GET1: variants seen among roughly 807,000 people sequenced by gnomAD.
GET1 encodes congenital heart disease 5 protein.
In GET1, 20 loss-of-function variants were observed where a neutral mutation model predicts 22.6. That is an observed-to-expected ratio of 0.89 (90% confidence interval 0.62 to 1.29). The LOEUF (loss-of-function observed/expected upper bound fraction) is 1.29. GET1 is among the 50% of genes most tolerant of loss of function. The pLI is 0.00. For missense variants in GET1, 209 were observed against 219.9 expected (o/e 0.95, Z 0.31); for synonymous variants, 92 against 83.8 (o/e 1.10, Z -0.53).
chr21:39,390,848 A>G lies in GET1; in HGVS notation c.253A>G (p.Lys85Glu), dbSNP rs2038252903. Reference protein sequence around the residue: ...LERKINKMTDKLKTHVKARTA... With the variant: ...LERKINKMTDELKTHVKARTA... Reference sequence around the variant, plus strand: ...AAGAAAGATCAACAAGATGACGGATAAGCTCAAAACCCATGGTACTGTGTC... The same window carrying G: ...AAGAAAGATCAACAAGATGACGGATGAGCTCAAAACCCATGGTACTGTGTC... Residue 85 changes from lysine (K) to glutamate (E), a missense_variant, in exon 2 of 5, where the codon AAG becomes GAG. Transcript: ENST00000649170. 1 of 1,614,064 alleles carries G rather than the reference A, an allele frequency of 6.2e-7. No homozygotes were observed. Among genetic ancestry groups the G allele is most frequent in the South Asian group, 1.1e-5 (1 of 91,084 alleles).
intron 1 of GET1, among the ~76,000 whole-genome samples, chr21:39,412,454 CCTT>C (rs954898799): frequency 2.6e-5 from 4 of 152,114 alleles, no homozygotes; most frequent in African/African-American, 9.7e-5. Flanking sequence ...ATCAAATGCT[CCTT>C]CTTACATGTA....
At chr21:39,385,867 C>T (rs2037856552) in intron 1 of GET1, among the ~76,000 whole-genome samples, 1 of 151,860 alleles carries the variant, frequency 6.6e-6, no homozygotes, top group African/African-American at 2.4e-5. Flanking sequence ...CGCAGGCGCT[C>T]CAGGACTGGC....
At chr21:39,381,950 G>C (rs956861605) in intron 1 of GET1, among the ~76,000 whole-genome samples, 1 of 152,102 alleles carries the variant, frequency 6.6e-6, no homozygotes, top group African/African-American at 2.4e-5. Context: ...TGTTGGCCAG[G>C]CTGGTCTCAA....
intron 1 of GET1, among the ~76,000 whole-genome samples, chr21:39,388,080 A>G (rs1390142210): frequency 6.6e-6 from 1 of 152,194 alleles, no homozygotes; most frequent in Non-Finnish European, 1.5e-5. Context: ...TTGGTATTCA[A>G]AAGAATCTTG....
intron 1 of GET1, chr21:39,380,894 C>T (rs2037515208): frequency 2.0e-6 from 2 of 983,824 alleles, no homozygotes; most frequent in African/African-American, 3.6e-5. Context: ...GAGATGGATC[C>T]TCGCGTCCAG....
exon 5 of GET1, chr21:39,406,404 C>G (rs750507300): frequency 6.2e-7 from 1 of 1,614,192 alleles, no homozygotes; most frequent in South Asian, 1.1e-5. Flanking sequence ...CATTTCTCTG[C>G]ATGCTTCTTT....
At chr21:39,401,122 C>T (rs1198162697), downstream of GET1, among the ~76,000 whole-genome samples, 1 of 151,996 alleles carries the variant, frequency 6.6e-6, no homozygotes, top group Non-Finnish European at 1.5e-5. Flanking sequence ...GACTGTGTTC[C>T]CAGGTTGGTC....
rs2037481070 is a variant in GET1 at position 39,380,432 on chromosome 21, C to T, written c.48C>T (p.Ser16=). The T allele has an allele frequency of 1.2e-6, 2 of 1,613,122 alleles. No homozygotes were observed. The highest frequency in any genetic ancestry group is 1.7e-6 in the Non-Finnish European group (2 of 1,179,632). The change falls in exon 1 of 5, where the codon AGC becomes AGT. Residue 16 remains serine (S), a synonymous_variant. Coordinates refer to ENST00000649170, the MANE Select transcript of GET1 (RefSeq NM_004627.6). Reference sequence around the variant, plus strand: ...ACTGGGCGTGGTTGCTGGTGCTCAGCTTCGTGTTTGGATGCAATGTTCTTA... The same window carrying T: ...ACTGGGCGTGGTTGCTGGTGCTCAGTTTCGTGTTTGGATGCAATGTTCTTA... ...ADHWAWLLVL[S]FVFGCNVLRI...
downstream of GET1, chr21:39,406,625 A>T: frequency 6.5e-7 from 1 of 1,548,010 alleles, no homozygotes; most frequent in Non-Finnish European, 8.7e-7. Context: ...ATATTAGAAA[A>T]ATAGGCAATT....
In GET1 at chr21:39,390,875, C is replaced by T. The variant is rs759345152; in HGVS notation, c.268+12C>T. On this transcript the variant is annotated intron_variant, in intron 2 of 4. Coordinates refer to ENST00000649170, the MANE Select transcript of GET1 (RefSeq NM_004627.6). ...GCTCAAAACCCATGGTACTGTGTCCCTTGCAGCCTGGAGGCTTCATGAGAG... is the reference window on the plus strand; with the variant it reads ...GCTCAAAACCCATGGTACTGTGTCCTTTGCAGCCTGGAGGCTTCATGAGAG... The T allele has an allele frequency of 5.0e-6, 8 of 1,613,648 alleles. No homozygotes were observed. The Admixed American group carries it at 1.3e-4, about 27-fold the overall frequency.
intron 1 of GET1, among the ~76,000 whole-genome samples, chr21:39,417,002 A>G (rs936227471): frequency 6.6e-6 from 1 of 152,132 alleles, no homozygotes; most frequent in African/African-American, 2.4e-5. Context: ...ATTTGGGTTC[A>G]TCTGCATTTT....
downstream of GET1, chr21:39,410,116 C>T: frequency 6.5e-7 from 1 of 1,528,134 alleles, no homozygotes; most frequent in African/African-American, 1.4e-5. Context: ...AGAAAAGCAG[C>T]AAAAACACAT....
At chr21:39,428,365 A>T in exon 2 of GET1, 1 of 1,613,614 alleles carries the variant, frequency 6.2e-7, no homozygotes, top group Non-Finnish European at 8.5e-7. Flanking sequence ...TATTGGAAGC[A>T]TTACTGTTCC....
chr21:39,425,507 A>T (rs2074513569), intron 1 of GET1, among the ~76,000 whole-genome samples: 1 of 152,192 alleles, frequency 6.6e-6, no homozygotes, highest in South Asian at 2.1e-4. Context: ...AGTATTTTAG[A>T]ATAGGCTTCT....
intron 2 of GET1, chr21:39,391,483 G>A: frequency 2.7e-6 from 1 of 367,004 alleles, no homozygotes; most frequent in Non-Finnish European, 5.0e-6. Flanking sequence ...GTTGGTAAGT[G>A]GTAACTGTAT....
At chr21:39,426,494 T>C (rs1488538910) in intron 1 of GET1, among the ~76,000 whole-genome samples, 1 of 152,140 alleles carries the variant, frequency 6.6e-6, no homozygotes, top group Non-Finnish European at 1.5e-5. Context: ...TTTCAGAATT[T>C]GGGGGTGGGT....
intron 1 of GET1, among the ~76,000 whole-genome samples, chr21:39,383,388 T>C (rs1312712147): frequency 1.3e-5 from 2 of 151,564 alleles, no homozygotes; most frequent in Non-Finnish European, 2.9e-5. Flanking sequence ...TTCAAGAGAT[T>C]CTCCTGCCTC....
chr21:39,422,434 T>G (rs2073925490), intron 1 of GET1: 1 of 153,182 alleles, frequency 6.5e-6, no homozygotes, highest in South Asian at 2.1e-4. Context: ...TTTTAATTCC[T>G]TTTCCTTCCC....
At position 39,393,397 on chromosome 21, in the gene GET1, TTGTGTCTCAGCCTCACA is replaced by T. The variant is rs2038434265; in HGVS notation, c.451+120_451+136del. On this transcript the variant is annotated intron_variant, in intron 4 of 4. Coordinates refer to ENST00000649170, the MANE Select transcript of GET1 (RefSeq NM_004627.6). Reference sequence around the variant, plus strand: ...CACCGTCCATTTAGTGAGCGGGGTTTTGTGTCTCAGCCTCACATGAGGCTTCCCATGAAGAAACTGAG... The same window carrying T: ...CACCGTCCATTTAGTGAGCGGGGTTTTGAGGCTTCCCATGAAGAAACTGAG... 1.0e-4 allele frequency: 83 copies of T among 811,910 alleles called. 2 individuals carry two copies. Among genetic ancestry groups the T allele is most frequent in the South Asian group, 9.7e-4 (56 of 57,970 alleles). 50.3% of individuals were successfully genotyped at this position (811,910 alleles called of 1,614,324 possible). A position where few individuals can be genotyped will look rare whatever the true frequency, so the allele number is the denominator to read the frequency against.
Sources: allele counts gnomAD v4.1 joint callset (sites outside exome capture counted in the v4.1 genomes callset), GRCh38; gene constraint gnomAD v4.1.1; transcripts MANE v1.5; gene names NCBI Gene and HGNC (gene_info 2026-07-23, HGNC 2026-07-21).